Variants in TPR observed in about 807,000 individuals in gnomAD.
The protein encoded by TPR is nucleoprotein TPR.
In TPR, 51 loss-of-function variants were observed where a neutral mutation model predicts 316.1. The ratio of observed to expected loss-of-function variants is 0.16; its 90% CI spans 0.13 to 0.20. The LOEUF (loss-of-function observed/expected upper bound fraction) is 0.20. Ranked by LOEUF, TPR falls within the 10% of genes least tolerant of loss-of-function variation. The pLI is 1.00. For synonymous variants in TPR, 981 were observed against 914.7 expected, an observed-to-expected ratio of 1.07 and a Z score of -1.31; for missense variants, 2,272 against 2,754.8, an observed-to-expected ratio of 0.82 and a Z score of 3.92.
rs775916055 is a variant in TPR at position 186,336,587 on chromosome 1, C to T, written c.4614G>A (p.Gln1538=). The change falls in exon 33 of 51, where the codon CAG becomes CAA. Residue 1538 remains glutamine, a synonymous_variant. Transcript: ENST00000367478. Reference sequence around the variant, plus strand: ...TTATCTGTTGTCGGAGCTGCTCCTCCTGTGTGGTTCTATCTTGAAGATCCT... The same window carrying T: ...TTATCTGTTGTCGGAGCTGCTCCTCTTGTGTGGTTCTATCTTGAAGATCCT... The part of the protein sequence containing the change: ...LRQDLQDRTT[Q]EEQLRQQITE... 45 of 1,613,916 alleles carry T rather than the reference C, an allele frequency of 2.8e-5. No individual in the cohort carries two copies. The highest frequency in any genetic ancestry group is 3.4e-5 in the Non-Finnish European group (40 of 1,179,908).
intron 39 of TPR, among the ~76,000 whole-genome samples, chr1:186,329,021 C>T (rs1179230606): frequency 6.6e-6 from 1 of 152,028 alleles, no homozygotes; most frequent in Non-Finnish European, 1.5e-5. Flanking sequence ...TTAAAAAGTG[C>T]CTCAAAGTGA....
chr1:186,362,455 C>G (rs1659225252), intron 6 of TPR, 75 bp from the exon 7 acceptor site: 2 of 1,200,058 alleles, frequency 1.7e-6, no homozygotes, highest in Non-Finnish European at 2.4e-6. Context: ...GTTTATGCTG[C>G]TAAGGAAAAG....
chr1:186,346,979 A>C (rs1455852576), intron 22 of TPR, among the ~76,000 whole-genome samples: 1 of 152,190 alleles, frequency 6.6e-6, no homozygotes, highest in East Asian at 1.9e-4. Context: ...ACCTTCATTC[A>C]AGGCTTTGCC....
chr1:186,338,314 A>C lies in TPR; in HGVS notation c.4152-71T>G. On this transcript the variant is annotated intron_variant, in intron 30 of 50. Transcript: ENST00000367478. ...TTTTCAAAGTTTGAAGTCCAATGTA[A>C]CTTTATGTTATACTGCTTTAATAAC... The C allele has an allele frequency of 1.4e-5, 18 of 1,272,506 alleles. No homozygotes were observed. In the South Asian group the frequency reaches 2.5e-4, roughly 18 times the overall value. The allele number at this position is 1,272,506 out of a possible 1,614,324, so 78.8% of individuals were successfully genotyped here.
In TPR at chr1:186,356,424, C is replaced by G. The variant is rs770480981; in HGVS notation, c.1750G>C (p.Glu584Gln). ...SKITELQLKL[E>Q]SALTELEQLR... ...TGTTCTAGTTCAGTAAGGGCACTCTCAAGTTTGAGCTGAAGCTCAGTGATT... is the reference window on the plus strand; with the variant it reads ...TGTTCTAGTTCAGTAAGGGCACTCTGAAGTTTGAGCTGAAGCTCAGTGATT... Residue 584 changes from glutamate (E) to glutamine (Q), a missense_variant, in exon 15 of 51, where the codon GAG (glutamate) becomes CAG (glutamine). This residue lies in a region of TPR where 757 missense variants were observed against 859.8 expected (regional missense o/e 0.88). Coordinates refer to ENST00000367478, the MANE Select transcript of TPR (RefSeq NM_003292.3). 9.9e-6 allele frequency: 16 copies of G among 1,611,662 alleles called. No homozygotes were observed. Among genetic ancestry groups the G allele is most frequent in the Non-Finnish European group, 1.4e-5 (16 of 1,178,174 alleles).
At position 186,346,170 on chromosome 1, in the gene TPR, C is replaced by T. The variant is rs1257533798; in HGVS notation, c.3061G>A (p.Asp1021Asn). 6 of 1,612,732 alleles carry T rather than the reference C, an allele frequency of 3.7e-6. No individual in the cohort carries two copies. In the South Asian group the frequency reaches 4.4e-5, roughly 12 times the overall value. Residue 1021 changes from aspartate (D) to asparagine (N), a missense_variant, in exon 23 of 51, where the codon GAT becomes AAT. Physicochemically the swap from Asp to Asn is conservative, Grantham distance 23. This residue lies in a region of TPR where 757 missense variants were observed against 859.8 expected (regional missense o/e 0.88). Transcript: ENST00000367478. ...ATGCTCTCTATGGCTCTTCTTTTAT[C>T]ATCCTGAAGTTCTTGTTTTTCCTTC... is the stretch of plus-strand genomic sequence containing the variant. ...VEKEKQELQD[D>N]KRRAIESMEQ...
chr1:186,340,438 CTT>C (rs897100927), intron 29 of TPR, among the ~76,000 whole-genome samples: 2 of 145,546 alleles, frequency 1.4e-5, no homozygotes, highest in African/African-American at 2.5e-5. Flanking sequence ...TCCTATTTTG[CTT>C]TTTTTTTTTG....
rs1227222272 is a variant in TPR, at chr1:186,334,356, C to T, written c.5151G>A (p.Val1717=). 1.9e-6 allele frequency: 3 copies of T among 1,613,174 alleles called. No individual in the cohort carries two copies. The highest frequency in any genetic ancestry group is 2.5e-6 in the Non-Finnish European group (3 of 1,179,604). Reference sequence around the variant, plus strand: ...GTGATTCCACTTGTGTAGTGGGCATCACTGTAGCTGTTGGGGTAGTAGTGG... The same window carrying T: ...GTGATTCCACTTGTGTAGTGGGCATTACTGTAGCTGTTGGGGTAGTAGTGG... ...TNPTTTPTAT[V]MPTTQVESQE... is the part of the protein sequence containing the mutation. The change falls in exon 36 of 51, where the codon GTG becomes GTA. Residue 1717 remains valine, a synonymous_variant. Transcript: ENST00000367478.
rs757245830 is a variant in TPR at position 186,351,459 on chromosome 1, C to T, written c.2481G>A (p.Glu827=). 1.3e-6 allele frequency: 2 copies of T among 1,599,196 alleles called. No homozygotes were observed. Among genetic ancestry groups the T allele is most frequent in the Non-Finnish European group, 1.7e-6 (2 of 1,174,668 alleles). Residue 827 remains glutamate, a synonymous_variant, in exon 20 of 51, where the codon GAG becomes GAA. Coordinates refer to ENST00000367478, the MANE Select transcript of TPR (RefSeq NM_003292.3). ...TTTGTTTGGTTTCTGTTTCAGATCG[C>T]TCCAGTATTCCCTAAAGCAAAGAAA... ...TNLQTIQGIL[E]RSETETKQRL...
At chr1:186,341,576 T>TA in intron 27 of TPR, 187 bp from the exon 28 acceptor site, 1 of 528,152 alleles carries the variant, frequency 1.9e-6, no homozygotes, top group Non-Finnish European at 3.2e-6. Context: ...TTTAAACAAA[T>TA]ACAAGAATTA....
chr1:186,335,547 A>T lies in TPR; in HGVS notation c.4706-4T>A, dbSNP rs766662623. 2.5e-6 allele frequency: 4 copies of T among 1,581,466 alleles called. No homozygotes were observed. In the South Asian group the frequency reaches 4.7e-5, roughly 19 times the overall value. On this transcript the variant is annotated splice_region_variant and splice_polypyrimidine_tract_variant and intron_variant, in intron 33 of 50. Coordinates refer to ENST00000367478, the MANE Select transcript of TPR (RefSeq NM_003292.3). ...TTAGTTAGCTGATCTTTTACACCTA[A>T]AGAAGTAACCAGGCGATTATATTAA... is the stretch of plus-strand genomic sequence containing the variant.
At position 186,361,761 on chromosome 1, in the gene TPR, A is replaced by G. The variant is rs761375050; in HGVS notation, c.870+28T>C. 10 of 1,613,086 alleles carry G rather than the reference A, an allele frequency of 6.2e-6. 1 individual carries two copies. The highest frequency in any genetic ancestry group is 1.7e-4 in the Middle Eastern group (1 of 6,058). ...TAACAGTCAACAATGCAACATTTAG[A>G]TACTAACATGTGTGGTGGGATATTT... On this transcript the variant is annotated intron_variant, in intron 8 of 50. Transcript: ENST00000367478.
chr1:186,336,347 C>T, intron 33 of TPR, 149 bp downstream of exon 33: 2 of 724,560 alleles, frequency 2.8e-6, no homozygotes, highest in Non-Finnish European at 2.2e-6. Context: ...TCTTTGTGTC[C>T]AACTAATTAT....
intron 45 of TPR, 26 bp downstream of exon 45, chr1:186,322,292 A>G (rs764082348): frequency 1.3e-6 from 2 of 1,581,428 alleles, no homozygotes; most frequent in Non-Finnish European, 1.7e-6. Context: ...TTAGTTATAA[A>G]GTATGTTTCT....
At chr1:186,369,921 T>G (rs1395723144) in intron 3 of TPR, among the ~76,000 whole-genome samples, 1 of 152,068 alleles carries the variant, frequency 6.6e-6, no homozygotes, top group Non-Finnish European at 1.5e-5. Flanking sequence ...TCTGAAAAAT[T>G]TTATGTGACT....
rs376883771 is a variant in TPR at position 186,335,262 on chromosome 1, C to G, written c.4911+76G>C. 2.9e-5 allele frequency: 46 copies of G among 1,570,372 alleles called. 1 individual carries two copies. In the African/African-American group the frequency reaches 4.8e-4, roughly 16 times the overall value. On this transcript the variant is annotated intron_variant, in intron 34 of 50. Coordinates refer to ENST00000367478, the MANE Select transcript of TPR (RefSeq NM_003292.3). ...TAGCCAAAATTCACTGACAAAGGCTCCTATATCACCAAGCACTTTCAAGTA... is the reference window on the plus strand; with the variant it reads ...TAGCCAAAATTCACTGACAAAGGCTGCTATATCACCAAGCACTTTCAAGTA...
chr1:186,319,035 G>A (rs559436890), intron 46 of TPR, among the ~76,000 whole-genome samples: 3 of 152,206 alleles, frequency 2.0e-5, no homozygotes, highest in African/African-American at 7.2e-5. Context: ...TGTCACCCAA[G>A]TTAAGAGTGC....
intron 18 of TPR, 118 bp from the exon 19 acceptor site, chr1:186,352,228 A>G (rs974155778): frequency 3.7e-5 from 32 of 872,378 alleles, no homozygotes; most frequent in Non-Finnish European, 4.9e-5. Context: ...CTTAGGGACT[A>G]TATCTCCTCA....
chr1:186,357,134 T>C (rs534242292), intron 14 of TPR, among the ~76,000 whole-genome samples: 5 of 152,236 alleles, frequency 3.3e-5, no homozygotes, highest in Admixed American at 2.0e-4. Context: ...AGCCTCAAAC[T>C]CCTGGACTCA....
Sources: gnomAD v4.1 joint callset for allele counts (sites outside exome capture counted in the v4.1 genomes callset) on GRCh38, gnomAD v4.1.1 for gene constraint, gnomAD v4.1.1 regional missense constraint, MANE v1.5 for transcripts, NCBI Gene and HGNC (gene_info 2026-07-23, HGNC 2026-07-21) for gene names.